Variants in HECTD2 observed in about 807,000 individuals in gnomAD.
HECTD2 encodes the protein HECT domain E3 ubiquitin protein ligase 2.
Under a neutral mutation model 103.2 loss-of-function variants are expected in HECTD2, and 35 were observed. That is an observed-to-expected ratio of 0.34 (90% CI 0.26 to 0.45). HECTD2 has a LOEUF of 0.45. Ranked by LOEUF, HECTD2 falls within the 20% of genes least tolerant of loss-of-function variation. HECTD2 has a pLI of 1.00. For synonymous variants in HECTD2, 281 were observed against 329.9 expected (o/e 0.85, Z 1.61); for missense variants, 596 against 937.4 (o/e 0.64, Z 4.76).
chr10:91,501,105 T>G, intron 19 of HECTD2, 86 bp from the exon 20 acceptor site: 1 of 1,142,154 alleles, frequency 8.8e-7, no homozygotes, highest in Non-Finnish European at 1.3e-6. Context: ...TTAAGGAAAG[T>G]CCTTTCCTTA....
intron 2 of HECTD2, among the ~76,000 whole-genome samples, chr10:91,440,355 T>A (rs1271809720): frequency 6.6e-6 from 1 of 152,202 alleles, no homozygotes; most frequent in African/African-American, 2.4e-5. Flanking sequence ...TTGTCATCGG[T>A]TCTTTTTAAG....
chr10:91,439,132 T>G (rs900168787), intron 2 of HECTD2, among the ~76,000 whole-genome samples: 1 of 152,236 alleles, frequency 6.6e-6, no homozygotes, highest in African/African-American at 2.4e-5. Flanking sequence ...TTTGATGTTT[T>G]AGTCATCAAG....
chr10:91,491,916 C>T (rs1309057670), intron 12 of HECTD2, among the ~76,000 whole-genome samples: 1 of 151,986 alleles, frequency 6.6e-6, no homozygotes, highest in African/African-American at 2.4e-5. Context: ...AGCTCACTGC[C>T]GCCTCAAACT....
At chr10:91,496,394 T>C (rs1846665212) in intron 15 of HECTD2, 22 bp downstream of exon 15, 2 of 1,559,180 alleles carry the variant, frequency 1.3e-6, no homozygotes, top group Non-Finnish European at 1.8e-6. Context: ...GTTATTAATA[T>C]CTTGTCCTTT....
intron 1 of HECTD2, among the ~76,000 whole-genome samples, chr10:91,419,484 A>G (rs867646496): frequency 6.6e-6 from 1 of 152,172 alleles, no homozygotes; most frequent in Admixed American, 6.6e-5. Flanking sequence ...CTATGTGATT[A>G]TATCATCAAA....
chr10:91,438,232 A>G (rs1348656673), intron 2 of HECTD2, among the ~76,000 whole-genome samples: 1 of 151,980 alleles, frequency 6.6e-6, no homozygotes, highest in Non-Finnish European at 1.5e-5. Context: ...TCCCTTCCCT[A>G]GTCCCCCACT....
intron 5 of HECTD2, among the ~76,000 whole-genome samples, chr10:91,464,373 A>G (rs1296823498): frequency 1.3e-5 from 2 of 152,220 alleles, no homozygotes; most frequent in Admixed American, 6.5e-5. Flanking sequence ...AGTAAAAAAT[A>G]TTGCAGATGG....
At chr10:91,447,697 G>A (rs1429796642) in intron 2 of HECTD2, among the ~76,000 whole-genome samples, 4 of 63,784 alleles carry the variant, frequency 6.3e-5, no homozygotes, top group Non-Finnish European at 1.2e-4. Flanking sequence ...CAAATGGAAA[G>A]CAAAAAAAAA....
chr10:91,462,629 AG>A, intron 5 of HECTD2: 2 of 1,023,180 alleles, frequency 2.0e-6, no homozygotes, highest in South Asian at 9.3e-5. Flanking sequence ...TTGATTTATG[AG>A]TTCATTTATG....
chr10:91,421,085 T>A (rs887153935), intron 1 of HECTD2, among the ~76,000 whole-genome samples: 1 of 152,158 alleles, frequency 6.6e-6, no homozygotes, highest in Non-Finnish European at 1.5e-5. Flanking sequence ...TCATCCTTGC[T>A]CATTGCTTTC....
At chr10:91,424,346 G>A (rs955087314) in intron 1 of HECTD2, among the ~76,000 whole-genome samples, 17 of 152,068 alleles carry the variant, frequency 1.1e-4, no homozygotes, top group African/African-American at 4.1e-4. Flanking sequence ...ATTCTGAAAA[G>A]GTAAATGGCA....
chr10:91,488,323 C>G (rs1420849034), intron 11 of HECTD2: 1 of 152,874 alleles, frequency 6.5e-6, no homozygotes. Flanking sequence ...GGATAGCAAG[C>G]AGACTGAGTT....
intron 6 of HECTD2, among the ~76,000 whole-genome samples, chr10:91,478,646 A>C (rs1039041515): frequency 6.6e-5 from 10 of 152,050 alleles, no homozygotes; most frequent in Admixed American, 6.6e-4. Flanking sequence ...TATTTCTATT[A>C]TAGGGACGCC....
chr10:91,511,680 G>A (rs1422699468), intron 20 of HECTD2, among the ~76,000 whole-genome samples: 2 of 152,058 alleles, frequency 1.3e-5, no homozygotes, highest in Non-Finnish European at 2.9e-5. Context: ...TCACAATAGG[G>A]TCCTTGTTCC....
At chr10:91,456,638 C>T (rs149283325) in intron 2 of HECTD2, among the ~76,000 whole-genome samples, 1,698 of 152,218 alleles carry the variant, frequency 0.011, 37 homozygotes, top group African/African-American at 0.039. Flanking sequence ...TGAGAGAGGG[C>T]ATCCCTGTCT....
intron 2 of HECTD2, among the ~76,000 whole-genome samples, chr10:91,454,732 A>C (rs970491462): frequency 4.0e-4 from 57 of 144,238 alleles, no homozygotes; most frequent in African/African-American, 1.1e-3. Context: ...CCCCTACCCC[A>C]CAACAGGCCC....
At chr10:91,425,992 A>C (rs1843543820) in intron 2 of HECTD2, among the ~76,000 whole-genome samples, 1 of 152,038 alleles carries the variant, frequency 6.6e-6, no homozygotes, top group African/African-American at 2.4e-5. Context: ...CTATACTGCA[A>C]ATACTATGCT....
chr10:91,496,215 T>C lies in HECTD2; in HGVS notation c.1523T>C (p.Leu508Pro), dbSNP rs1846658239. 1 of 1,608,224 alleles carries C rather than the reference T, an allele frequency of 6.2e-7. No individual in the cohort carries two copies. Among genetic ancestry groups the C allele is most frequent in the Non-Finnish European group, 8.5e-7 (1 of 1,176,678 alleles). Residue 508 changes from leucine (L) to proline (P), a missense_variant and splice_region_variant, in exon 15 of 21, where the codon CTT becomes CCT. Around this residue, in one of 4 missense-constraint regions of HECTD2, gnomAD observed 303 missense variants for 522.5 expected, o/e 0.58. Transcript: ENST00000298068. The stretch of plus-strand genomic sequence containing the variant: ...ATGCTTAACATTTAGTATGCATAGC[T>C]TATGGGACTAGCTGTTTATAACAGC... The part of the protein sequence containing the change: ...NYSEFRLVGI[L>P]MGLAVYNSIT...
At chr10:91,430,234 G>T (rs1232206602) in intron 2 of HECTD2, among the ~76,000 whole-genome samples, 1 of 152,114 alleles carries the variant, frequency 6.6e-6, no homozygotes, top group Admixed American at 6.5e-5. Flanking sequence ...TTGCACTGTG[G>T]TCTGAGAGAC....
Sources: gnomAD v4.1 joint callset for allele counts (sites outside exome capture counted in the v4.1 genomes callset) on GRCh38, gnomAD v4.1.1 for gene constraint, gnomAD v4.1.1 regional missense constraint, MANE v1.5 for transcripts, NCBI Gene and HGNC (gene_info 2026-07-23, HGNC 2026-07-21) for gene names.